Variants in VPS8 observed in about 807,000 individuals in gnomAD.
VPS8 encodes the protein VPS8 subunit of CORVET complex.
VPS8 carries 129 observed loss-of-function variants against 216.4 expected under a neutral mutation model. The observed-to-expected ratio is 0.60, with a 90% CI of 0.52 to 0.69. VPS8 has a LOEUF of 0.69. Among genes scored for constraint, VPS8 ranks in the 30% least tolerant of loss-of-function variants. The pLI is 0.00. For missense variants in VPS8, 1,531 were observed against 1,683.5 expected (o/e 0.91, Z 1.59); for synonymous variants, 571 against 565.4 (o/e 1.01, Z -0.14).
Position 184,994,664 on chromosome 3 carries a change from CTA to C in VPS8, c.3666+606_3666+607del, listed in dbSNP as rs573883205. Among the ~76,000 whole-genome samples, 21 of 152,048 alleles carry C rather than the reference CTA, an allele frequency of 1.4e-4. No individual in the cohort carries two copies. In the South Asian group the frequency reaches 1.5e-3, roughly 11 times the overall value. On this transcript the variant is annotated intron_variant, in intron 43 of 47. Coordinates refer to ENST00000625842, the MANE Select transcript of VPS8 (RefSeq NM_001009921.3). ...TCTGGAAAAATAATTTAATACAAAGCTATATACCACATGAAAAGGAAGGATCA... is the reference window on the plus strand; with the variant it reads ...TCTGGAAAAATAATTTAATACAAAGCTATACCACATGAAAAGGAAGGATCA...
chr3:184,873,054 G>C (rs1448452961), intron 21 of VPS8, among the ~76,000 whole-genome samples: 1 of 152,022 alleles, frequency 6.6e-6, no homozygotes, highest in African/African-American at 2.4e-5. Context: ...TACAAAATAG[G>C]GATTTTTAAC....
At chr3:184,830,171 G>T (rs1432318018) in intron 3 of VPS8, among the ~76,000 whole-genome samples, 5 of 151,110 alleles carry the variant, frequency 3.3e-5, no homozygotes, top group African/African-American at 1.2e-4. Context: ...ATTTTTTTTG[G>T]GTGTGATAGT....
At chr3:185,050,559 G>A (rs1023217298) in intron 47 of VPS8, among the ~76,000 whole-genome samples, 1 of 152,212 alleles carries the variant, frequency 6.6e-6, no homozygotes, top group Non-Finnish European at 1.5e-5. Context: ...AGGGCACCTC[G>A]AAGACATGGT....
intron 29 of VPS8, among the ~76,000 whole-genome samples, chr3:184,920,887 T>C (rs1055383257): frequency 6.6e-6 from 1 of 152,258 alleles, no homozygotes; most frequent in African/African-American, 2.4e-5. Flanking sequence ...GTTTTCTAGT[T>C]GTGCATAACA....
At chr3:184,893,968 G>A (rs1191545576) in intron 22 of VPS8, among the ~76,000 whole-genome samples, 1 of 151,934 alleles carries the variant, frequency 6.6e-6, no homozygotes, top group East Asian at 1.9e-4. Context: ...TTCTGTCTGT[G>A]GTCAATATAA....
At chr3:184,979,578 T>C (rs2109725603) in intron 40 of VPS8, among the ~76,000 whole-genome samples, 1 of 152,360 alleles carries the variant, frequency 6.6e-6, no homozygotes, top group East Asian at 1.9e-4. Context: ...TTTTGTTCAT[T>C]GTTGTTTTAA....
intron 2 of VPS8, among the ~76,000 whole-genome samples, chr3:184,825,366 C>T (rs1295849936): frequency 6.6e-6 from 1 of 151,766 alleles, no homozygotes; most frequent in Non-Finnish European, 1.5e-5. Flanking sequence ...TTATCTTGCA[C>T]AGCATTTTTT....
chr3:184,834,883 A>G, intron 5 of VPS8, 141 bp downstream of exon 5: 2 of 627,678 alleles, frequency 3.2e-6, no homozygotes, highest in Non-Finnish European at 5.2e-6. Flanking sequence ...TTTTTGTGTG[A>G]TGATTTTTGA....
At chr3:184,848,074 G>A (rs1560366852) in intron 8 of VPS8, among the ~76,000 whole-genome samples, 1 of 151,854 alleles carries the variant, frequency 6.6e-6, no homozygotes, top group African/African-American at 2.4e-5. Context: ...CACCACACCC[G>A]GCTATATTTT....
chr3:185,009,663 G>A (rs1754731890), intron 45 of VPS8, among the ~76,000 whole-genome samples: 1 of 152,102 alleles, frequency 6.6e-6, no homozygotes, highest in Non-Finnish European at 1.5e-5. Flanking sequence ...TAAGACATTG[G>A]ACACCAGGCA....
intron 36 of VPS8, among the ~76,000 whole-genome samples, chr3:184,945,171 C>CTA (rs1471499892): frequency 1.5e-4 from 22 of 150,870 alleles, no homozygotes; most frequent in African/African-American, 2.7e-4. Flanking sequence ...CTCTCTCTCT[C>CTA]TCTATATATA....
chr3:184,976,955 C>G (rs1347347868), intron 40 of VPS8, among the ~76,000 whole-genome samples: 2 of 152,062 alleles, frequency 1.3e-5, no homozygotes, highest in Non-Finnish European at 2.9e-5. Flanking sequence ...AGAATGATTT[C>G]TTTTCCTTTG....
intron 30 of VPS8, 129 bp from the exon 31 acceptor site, chr3:184,926,465 C>A: frequency 1.2e-6 from 1 of 840,916 alleles, no homozygotes; most frequent in Non-Finnish European, 1.9e-6. Context: ...AGGTAGCCTA[C>A]ACCTGTGGTA....
intron 22 of VPS8, 130 bp from the exon 23 acceptor site, chr3:184,894,573 T>C (rs1733030729): frequency 1.6e-6 from 1 of 629,482 alleles, no homozygotes; most frequent in Non-Finnish European, 2.7e-6. Context: ...ACTCTGTGAA[T>C]ATTATTGCCA....
chr3:184,896,653 T>G (rs1388948014), intron 23 of VPS8, among the ~76,000 whole-genome samples: 1 of 152,232 alleles, frequency 6.6e-6, no homozygotes, highest in Non-Finnish European at 1.5e-5. Flanking sequence ...TGTTCGTTAA[T>G]TCAAGAAGTG....
chr3:184,925,125 G>A (rs1421670438), intron 30 of VPS8, 144 bp downstream of exon 30: 1 of 1,113,482 alleles, frequency 9.0e-7, no homozygotes, highest in Non-Finnish European at 1.2e-6. Flanking sequence ...ATCTAAGTTA[G>A]GGGGGTATGT....
chr3:184,828,179 G>C (rs1321502579), intron 3 of VPS8, among the ~76,000 whole-genome samples: 1 of 151,820 alleles, frequency 6.6e-6, no homozygotes. Context: ...TCACTCCATC[G>C]CCCAGGCTGT....
Position 185,048,503 on chromosome 3 carries a change from C to G in VPS8, c.4081C>G (p.Pro1361Ala). The G allele has an allele frequency of 6.2e-7, 1 of 1,613,988 alleles. No individual in the cohort carries two copies. The highest frequency in any genetic ancestry group is 1.3e-5 in the African/African-American group (1 of 75,048). The change falls in exon 47 of 48, where the codon CCA (proline) becomes GCA (alanine). Residue 1361 changes from proline to alanine, a missense_variant. Pro to Ala is a conservative substitution (Grantham distance 27). Around this residue, in one of 3 missense-constraint regions of VPS8, gnomAD observed 1,318 missense variants for 1,468.4 expected, o/e 0.90. Coordinates refer to ENST00000625842, the MANE Select transcript of VPS8 (RefSeq NM_001009921.3). Reference protein sequence around the residue: ...KKGTSEPVLDPQQIQAFDQLC... With the variant: ...KKGTSEPVLDAQQIQAFDQLC... ...GGGAACCTCAGAACCTGTTCTGGAT[C>G]CACAGCAAATCCAAGCATTTGATCA... is the stretch of plus-strand genomic sequence containing the variant.
rs537062335 is a variant in VPS8, at chr3:184,999,923, G to C, written c.4002+62G>C. The C allele has an allele frequency of 1.5e-4, 229 of 1,505,686 alleles. 5 individuals carry two copies. In the South Asian group the frequency reaches 3.1e-3, roughly 20 times the overall value. 93.3% of individuals were successfully genotyped at this position (1,505,686 alleles called of 1,614,324 possible). On this transcript the variant is annotated intron_variant, in intron 45 of 47. Coordinates refer to ENST00000625842, the MANE Select transcript of VPS8 (RefSeq NM_001009921.3). ...TTTCTTACCAATGTCATTTGGGCCT[G>C]GTCTCATTTCCTTCGGTTCCATAGG...
Sources: allele counts gnomAD v4.1 joint callset (sites outside exome capture counted in the v4.1 genomes callset), GRCh38; gene constraint gnomAD v4.1.1; regional missense constraint gnomAD v4.1.1; transcripts MANE v1.5; gene names NCBI Gene and HGNC (gene_info 2026-07-23, HGNC 2026-07-21).